The following VPS26A variants were observed in gnomAD, a reference collection of about 807,000 sequenced individuals.
VPS26A encodes the protein vacuolar protein sorting-associated protein 26A.
A neutral mutation model predicts 42.4 loss-of-function variants in VPS26A; 22 were observed. The ratio of observed to expected loss-of-function variants is 0.52; its 90% CI spans 0.37 to 0.74. The LOEUF is 0.74. VPS26A is among the 30% of genes least tolerant of loss of function. The probability of loss-of-function intolerance (pLI) is 0.00; values close to 1 mark genes in which losing one functional copy is unlikely to be tolerated. For missense variants in VPS26A, 276 were observed against 379.2 expected (o/e 0.73, Z 2.26); for synonymous variants, 110 against 123.5 (o/e 0.89, Z 0.73).
rs1841877977 is a variant in VPS26A at position 69,174,044 on chromosome 10, TAAG to T, written c.*2777_*2779del. 1.3e-5 allele frequency among the ~76,000 whole-genome samples: 2 copies of T among 152,028 alleles called. No homozygotes were observed. The highest frequency in any genetic ancestry group is 2.9e-5 in the Non-Finnish European group (2 of 68,002). On this transcript the variant is annotated 3_prime_UTR_variant, in exon 9 of 9. Coordinates refer to ENST00000263559, the MANE Select transcript of VPS26A (RefSeq NM_004896.5). ...TCAGCAGGACGTGGGCGGGGACAAA[TAAG>T]AGAATAAAAGCTGGCCACCCCCCAG... is the stretch of plus-strand genomic sequence containing the variant.
Position 69,147,164 on chromosome 10 carries a change from G to C in VPS26A, c.154-8648G>C, listed in dbSNP as rs1490020482. Among the ~76,000 whole-genome samples, 7 of 152,256 alleles carry C rather than the reference G, an allele frequency of 4.6e-5. No homozygotes were observed. In the Middle Eastern group the frequency reaches 0.01, roughly 222 times the overall value. ...ATTTTGATTTTCAGTTCCCCAGTGA[G>C]TAATAATATTGAACATCTTTTCATG... On this transcript the variant is annotated intron_variant, in intron 2 of 8. Transcript: ENST00000263559.
At position 69,157,149 on chromosome 10, in the gene VPS26A, C is replaced by T. The variant is rs766619997; in HGVS notation, c.372C>T (p.Ala124=). 5.6e-6 allele frequency: 9 copies of T among 1,612,494 alleles called. No individual in the cohort carries two copies. In the South Asian group the frequency reaches 9.9e-5, roughly 18 times the overall value. ...AGCCATATGAATCTTACATCGGTGCCAATGTCCGCTTGAGGTATGAATGTG... is the reference window on the plus strand; with the variant it reads ...AGCCATATGAATCTTACATCGGTGCTAATGTCCGCTTGAGGTATGAATGTG... ...VEKPYESYIG[A]NVRLRYFLKV... is the part of the protein sequence containing the mutation. The change falls in exon 4 of 9, where the codon GCC becomes GCT. Residue 124 remains alanine (A), a synonymous_variant. Coordinates refer to ENST00000263559, the MANE Select transcript of VPS26A (RefSeq NM_004896.5).
intron 1 of VPS26A, among the ~76,000 whole-genome samples, chr10:69,132,504 G>A (rs4466719): frequency 0.53 from 80,565 of 150,652 alleles, 23,492 homozygotes; most frequent in Middle Eastern, 0.74. Context: ...GTGCAATGGC[G>A]CGATCTTGGC....
At chr10:69,167,729 C>G (rs890799362) in intron 7 of VPS26A, among the ~76,000 whole-genome samples, 41 of 116,068 alleles carry the variant, frequency 3.5e-4, no homozygotes, top group Admixed American at 2.2e-3. Context: ...GGCGACAGAC[C>G]AAGACTCCAT....
intron 5 of VPS26A, among the ~76,000 whole-genome samples, chr10:69,159,069 C>T (rs922350012): frequency 2.6e-5 from 4 of 151,962 alleles, no homozygotes; most frequent in African/African-American, 9.7e-5. Flanking sequence ...CTGTGGAATG[C>T]TAAAGAAGGG....
chr10:69,147,798 C>T (rs538209964), intron 2 of VPS26A, among the ~76,000 whole-genome samples: 1 of 152,286 alleles, frequency 6.6e-6, no homozygotes, highest in East Asian at 1.9e-4. Flanking sequence ...CTGCAACCTC[C>T]ACCTTCTGGG....
Position 69,151,093 on chromosome 10 carries a change from G to A in VPS26A, c.154-4719G>A, listed in dbSNP as rs553225696. Among the ~76,000 whole-genome samples, 1,064 of 151,400 alleles carry A rather than the reference G, an allele frequency of 7.0e-3. 10 individuals are homozygous for A. The highest frequency in any genetic ancestry group is 0.024 in the African/African-American group (989 of 41,106). ...ATTCTGGCTAACATGGTGAAACCCCGTCTCTACTAAAAATACAAAAAATTA... is the reference window on the plus strand; with the variant it reads ...ATTCTGGCTAACATGGTGAAACCCCATCTCTACTAAAAATACAAAAAATTA... On this transcript the variant is annotated intron_variant, in intron 2 of 8. Coordinates refer to ENST00000263559, the MANE Select transcript of VPS26A (RefSeq NM_004896.5).
intron 2 of VPS26A, among the ~76,000 whole-genome samples, chr10:69,144,876 C>G (rs1841120333): frequency 1.3e-5 from 2 of 151,648 alleles, no homozygotes; most frequent in African/African-American, 4.9e-5. Context: ...TTAATGGTGT[C>G]TTATGATAAA....
chr10:69,136,884 C>T (rs566523450), intron 2 of VPS26A, among the ~76,000 whole-genome samples: 33 of 151,718 alleles, frequency 2.2e-4, no homozygotes, highest in Admixed American at 4.6e-4. Context: ...CTCCACCTCC[C>T]GGATTCAAGT....
chr10:69,154,519 A>G (rs1021205799), intron 2 of VPS26A, among the ~76,000 whole-genome samples: 1 of 151,822 alleles, frequency 6.6e-6, no homozygotes, highest in Non-Finnish European at 1.5e-5. Context: ...CTGGGCAACA[A>G]GAGCGAAACT....
chr10:69,151,278 A>AAATAC (rs1564680915), intron 2 of VPS26A, among the ~76,000 whole-genome samples: 1 of 56,332 alleles, frequency 1.8e-5, no homozygotes, highest in Admixed American at 2.2e-4. Context: ...AAAAAAAAAA[A>AAATAC]AAAAACACAC....
intron 6 of VPS26A, among the ~76,000 whole-genome samples, chr10:69,165,173 C>A (rs180676525): frequency 1.3e-5 from 2 of 152,292 alleles, no homozygotes; most frequent in Non-Finnish European, 2.9e-5. Flanking sequence ...GGCAGTCTGC[C>A]TGCCTTGGCC....
chr10:69,144,704 T>G (rs1354081970), intron 2 of VPS26A, among the ~76,000 whole-genome samples: 1 of 151,842 alleles, frequency 6.6e-6, no homozygotes, highest in Non-Finnish European at 1.5e-5. Flanking sequence ...GTTCCAAGTT[T>G]TGCTCATTTT....
At chr10:69,154,190 G>A (rs1841379112) in intron 2 of VPS26A, among the ~76,000 whole-genome samples, 1 of 152,204 alleles carries the variant, frequency 6.6e-6, no homozygotes, top group Non-Finnish European at 1.5e-5. Flanking sequence ...CAACCTATAT[G>A]ACCATACAGG....
intron 2 of VPS26A, 71 bp from the exon 3 acceptor site, chr10:69,155,741 T>C: frequency 2.7e-6 from 3 of 1,125,840 alleles, no homozygotes; most frequent in Non-Finnish European, 1.3e-6. Flanking sequence ...ATTGCATTCA[T>C]CTGAAAGGAA....
In VPS26A at chr10:69,127,552, C is replaced by CA. The variant is rs1023422339; in HGVS notation, c.3+3286dup. Among the ~76,000 whole-genome samples the CA allele has an allele frequency of 2.9e-3, 326 of 112,110 alleles. 1 individual carries two copies. The highest frequency in any genetic ancestry group is 8.8e-3 in the East Asian group (35 of 3,970). The allele number at this position is 112,110 out of a possible 152,430, so 73.5% of individuals were successfully genotyped here. On this transcript the variant is annotated intron_variant, in intron 1 of 8. Transcript: ENST00000263559. ...TGGGCGAAAGAGCGAGACTCCATCT[C>CA]AAAAAAAAAAAAAACCTGAATGTTA...
At chr10:69,154,194 A>G (rs1454371900) in intron 2 of VPS26A, among the ~76,000 whole-genome samples, 15 of 152,230 alleles carry the variant, frequency 9.9e-5, no homozygotes, top group Non-Finnish European at 2.9e-5. Context: ...CTATATGACC[A>G]TACAGGGGAT....
chr10:69,148,619 GTA>G (rs1841215390), intron 2 of VPS26A, among the ~76,000 whole-genome samples: 1 of 152,140 alleles, frequency 6.6e-6, no homozygotes, highest in Non-Finnish European at 1.5e-5. Flanking sequence ...TACATTGATA[GTA>G]TATGTTTGTC....
At chr10:69,131,181 T>C (rs1341657935) in intron 1 of VPS26A, among the ~76,000 whole-genome samples, 3 of 152,202 alleles carry the variant, frequency 2.0e-5, no homozygotes, top group East Asian at 1.9e-4. Context: ...GGCTTCACCA[T>C]GTTGGCCAGG....
Sources: gnomAD v4.1 joint callset for allele counts (sites outside exome capture counted in the v4.1 genomes callset) on GRCh38, gnomAD v4.1.1 for gene constraint, MANE v1.5 for transcripts, NCBI Gene and HGNC (gene_info 2026-07-23, HGNC 2026-07-21) for gene names.